CMIP: variants seen among roughly 807,000 people sequenced by gnomAD.
CMIP encodes the protein C-Maf-inducing protein.
In CMIP, 13 loss-of-function variants were observed where a neutral mutation model predicts 97.3. That is an observed-to-expected ratio of 0.13 (90% CI 0.09 to 0.21). CMIP has a LOEUF of 0.21. Among genes scored for constraint, CMIP ranks in the 10% least tolerant of loss-of-function variants. CMIP has a pLI of 1.00. For synonymous variants in CMIP, 538 were observed against 436.3 expected (o/e 1.23, Z -2.91); for missense variants, 847 against 1,024.9 (o/e 0.83, Z 2.37).
chr16:81,532,950 C>T (rs928462646), intron 1 of CMIP, among the ~76,000 whole-genome samples: 1 of 152,164 alleles, frequency 6.6e-6, no homozygotes, highest in Non-Finnish European at 1.5e-5. Flanking sequence ...GCCTCGAGGC[C>T]TTTGCCCTGA....
intron 1 of CMIP, among the ~76,000 whole-genome samples, chr16:81,567,833 A>G (rs1029692199): frequency 3.3e-5 from 5 of 152,128 alleles, no homozygotes; most frequent in Admixed American, 1.3e-4. Flanking sequence ...TCACTGCTGT[A>G]TATCTGCAGC....
At chr16:81,583,938 T>G (rs1257004009) in intron 1 of CMIP, among the ~76,000 whole-genome samples, 2 of 151,972 alleles carry the variant, frequency 1.3e-5, no homozygotes, top group South Asian at 2.1e-4. Flanking sequence ...AAGCAGGAAA[T>G]AAAGATTGGA....
At chr16:81,501,339 G>A (rs887312346) in intron 1 of CMIP, among the ~76,000 whole-genome samples, 2 of 152,358 alleles carry the variant, frequency 1.3e-5, no homozygotes, top group East Asian at 1.9e-4. Flanking sequence ...CCTGCTTTGC[G>A]TGTGCCACAC....
chr16:81,575,584 A>C (rs2091174845), intron 1 of CMIP, among the ~76,000 whole-genome samples: 1 of 152,162 alleles, frequency 6.6e-6, no homozygotes, highest in Non-Finnish European at 1.5e-5. Flanking sequence ...GCTGGAGCCA[A>C]CACCCCCAGG....
chr16:81,504,186 C>T lies in CMIP; in HGVS notation c.300+58645C>T, dbSNP rs868842135. Among the ~76,000 whole-genome samples the T allele has an allele frequency of 2.0e-5, 3 of 151,992 alleles. No individual in the cohort carries two copies. In the South Asian group the frequency reaches 6.2e-4, roughly 32 times the overall value. On this transcript the variant is annotated intron_variant, in intron 1 of 20. Transcript: ENST00000537098. ...ACTAAAAATACAAAAATTAGCCTGG[C>T]GTGGTCGTGGGCGCCAGTAATCCCA...
chr16:81,580,629 T>A (rs1422811127), intron 1 of CMIP, among the ~76,000 whole-genome samples: 1 of 152,046 alleles, frequency 6.6e-6, no homozygotes, highest in Non-Finnish European at 1.5e-5. Context: ...AGAGACAGGG[T>A]TTTGCCATGT....
At chr16:81,587,215 G>A (rs754340293) in intron 1 of CMIP, among the ~76,000 whole-genome samples, 6 of 152,326 alleles carry the variant, frequency 3.9e-5, no homozygotes, top group South Asian at 2.1e-4. Flanking sequence ...CTAGGGGAGC[G>A]CACTGGACAC....
intron 2 of CMIP, 79 bp from the exon 3 acceptor site, chr16:81,620,797 C>T: frequency 6.4e-7 from 1 of 1,551,818 alleles, no homozygotes; most frequent in Non-Finnish European, 8.9e-7. Context: ...GGCTTGGGGG[C>T]TCACATGCTG....
chr16:81,455,638 C>CA (rs1253843770), intron 1 of CMIP, among the ~76,000 whole-genome samples: 2 of 152,198 alleles, frequency 1.3e-5, no homozygotes, highest in Non-Finnish European at 2.9e-5. Context: ...GTGGTGCACA[C>CA]AGCCTTTCTC....
intron 1 of CMIP, among the ~76,000 whole-genome samples, chr16:81,515,290 C>G (rs755688261): frequency 6.6e-6 from 1 of 152,224 alleles, no homozygotes; most frequent in Non-Finnish European, 1.5e-5. Context: ...AAATGACTCA[C>G]AGCTGAAAGG....
At chr16:81,575,348 C>T (rs942377891) in intron 1 of CMIP, among the ~76,000 whole-genome samples, 1 of 152,234 alleles carries the variant, frequency 6.6e-6, no homozygotes, top group Admixed American at 6.5e-5. Context: ...TGGCCCCTTC[C>T]TCTCTCTCCC....
At chr16:81,661,442 T>C (rs1306508370) in intron 6 of CMIP, among the ~76,000 whole-genome samples, 1 of 152,256 alleles carries the variant, frequency 6.6e-6, no homozygotes, top group East Asian at 1.9e-4. Flanking sequence ...GGCACATCTT[T>C]GTGGCTCAGG....
At chr16:81,554,304 T>C (rs1477784171) in intron 1 of CMIP, among the ~76,000 whole-genome samples, 1 of 152,234 alleles carries the variant, frequency 6.6e-6, no homozygotes, top group African/African-American at 2.4e-5. Context: ...TAACCTGTTA[T>C]TCTCTATCTG....
At chr16:81,693,347 C>G in intron 12 of CMIP, 92 bp from the exon 13 acceptor site, 1 of 1,530,208 alleles carries the variant, frequency 6.5e-7, no homozygotes, top group Non-Finnish European at 8.9e-7. Flanking sequence ...GCTCCCTGGC[C>G]CGTTCTTCCT....
chr16:81,709,330 G>A (rs1426400862), intron 20 of CMIP, among the ~76,000 whole-genome samples: 9 of 152,164 alleles, frequency 5.9e-5, no homozygotes, highest in Admixed American at 5.2e-4. Flanking sequence ...TTCTACATTT[G>A]GTATTTAACC....
At chr16:81,694,220 C>T (rs942648794) in intron 13 of CMIP, among the ~76,000 whole-genome samples, 3 of 152,196 alleles carry the variant, frequency 2.0e-5, no homozygotes, top group Non-Finnish European at 4.4e-5. Flanking sequence ...CATCTCACTG[C>T]ACTGTGTGCT....
intron 1 of CMIP, among the ~76,000 whole-genome samples, chr16:81,469,396 G>A (rs1189334970): frequency 1.3e-5 from 2 of 152,248 alleles, no homozygotes; most frequent in Non-Finnish European, 2.9e-5. Flanking sequence ...GGGGCAGATA[G>A]CGGTACCAAC....
At chr16:81,467,973 A>G (rs530778744) in intron 1 of CMIP, among the ~76,000 whole-genome samples, 3 of 146,374 alleles carry the variant, frequency 2.0e-5, no homozygotes, top group Non-Finnish European at 4.5e-5. Flanking sequence ...TGCATTCTCA[A>G]CCTCCCAGAC....
At chr16:81,678,721 C>A in intron 10 of CMIP, 93 bp downstream of exon 10, 1 of 638,742 alleles carries the variant, frequency 1.6e-6, no homozygotes, top group Non-Finnish European at 2.8e-6. Context: ...GTTCGAGCTA[C>A]GCAGGGCCGG....
Sources: allele counts gnomAD v4.1 joint callset (sites outside exome capture counted in the v4.1 genomes callset), GRCh38; gene constraint gnomAD v4.1.1; transcripts MANE v1.5; gene names NCBI Gene and HGNC (gene_info 2026-07-23, HGNC 2026-07-21).